ZNF175: variants seen among roughly 807,000 people sequenced by gnomAD.
ZNF175 encodes the protein zinc finger protein OTK18.
Under a neutral mutation model 14.0 loss-of-function variants are expected in ZNF175, and 8 were observed. The observed-to-expected ratio is 0.57, with a 90% confidence interval of 0.34 to 1.03. The LOEUF (loss-of-function observed/expected upper bound fraction) is 1.03. Among genes scored for constraint, ZNF175 ranks in the 50% least tolerant of loss-of-function variants. The pLI is 0.03. For synonymous variants in ZNF175, 255 were observed against 296.8 expected (o/e 0.86, Z 1.45); for missense variants, 764 against 849.5 (o/e 0.90, Z 1.25).
Position 51,587,751 on chromosome 19 carries a change from C to T in ZNF175, c.1420C>T (p.Pro474Ser). 6.2e-7 allele frequency: 1 copy of T among 1,614,164 alleles called. No individual in the cohort carries two copies. The change falls in exon 5 of 5, where the codon CCT (proline) becomes TCT (serine). Residue 474 changes from proline to serine, a missense_variant. By Grantham distance (74) the Pro-to-Ser change is moderately conservative. Transcript: ENST00000262259. ...TCAAAGAAGCCACACAGGAGAAAAA[C>T]CTTATCAGTGCCACAACTGTGGGAA... ...VHQRSHTGEKPYQCHNCGKSF... is the reference protein window; with the variant it reads ...VHQRSHTGEKSYQCHNCGKSF...
At position 51,589,794 on chromosome 19, in the gene ZNF175, G is replaced by A. The variant is rs61422446; in HGVS notation, c.*1327G>A. 6.8e-3 allele frequency: 3,849 copies of A among 562,276 alleles called. 164 individuals are homozygous for A. The East Asian group carries it at 0.088, about 13-fold the overall frequency. The allele number at this position is 562,276 out of a possible 1,614,324, so 34.8% of individuals were successfully genotyped here. A position where few individuals can be genotyped will look rare whatever the true frequency, so the allele number is the denominator to read the frequency against. ...ACTGGCAGAATTGAGTAGTTTTGGC[G>A]GAGATCAAATAGCCCCCAAGCTGGA... On this transcript the variant is annotated 3_prime_UTR_variant, in exon 5 of 5. Transcript: ENST00000262259.
At chr19:51,578,244 C>CA (rs1981875164) in intron 2 of ZNF175, among the ~76,000 whole-genome samples, 1 of 150,960 alleles carries the variant, frequency 6.6e-6, no homozygotes, top group African/African-American at 2.4e-5. Flanking sequence ...TAAAAAAATA[C>CA]AAAAAATTAG....
rs1443590887 is a variant in ZNF175, at chr19:51,576,005, A to G, written c.72+2604A>G. On this transcript the variant is annotated intron_variant, in intron 2 of 4. Transcript: ENST00000262259. ...ATAACTTACGGTTTTTCCCTGGAGC[A>G]CACAATTTTATGGATTATTTACTTG... Among the ~76,000 whole-genome samples, 5 of 152,296 alleles carry G rather than the reference A, an allele frequency of 3.3e-5. No individual in the cohort carries two copies. The East Asian group carries it at 9.6e-4, about 29-fold the overall frequency.
Position 51,589,856 on chromosome 19 carries a change from A to G in ZNF175, c.*1389A>G. 1 of 513,754 alleles carries G rather than the reference A, an allele frequency of 1.9e-6. No homozygotes were observed. The highest frequency in any genetic ancestry group is 3.4e-6 in the Non-Finnish European group (1 of 290,460). The allele number at this position is 513,754 out of a possible 1,614,324, so 31.8% of individuals were successfully genotyped here. ...TCTACTCTCTGGCTCTTTACAGAAA[A>G]TGTTTGCCAGCACATGATACACACA... On this transcript the variant is annotated 3_prime_UTR_variant, in exon 5 of 5. Coordinates refer to ENST00000262259, the MANE Select transcript of ZNF175 (RefSeq NM_007147.4).
intron 2 of ZNF175, among the ~76,000 whole-genome samples, chr19:51,576,147 T>G (rs867737061): frequency 0.01 from 1,252 of 122,964 alleles, 8 homozygotes; most frequent in African/African-American, 0.035. Context: ...ACAGTTTTTT[T>G]TTTTGTTTTT....
intron 2 of ZNF175, among the ~76,000 whole-genome samples, chr19:51,579,063 G>C (rs1314356737): frequency 6.6e-6 from 1 of 152,176 alleles, no homozygotes; most frequent in Non-Finnish European, 1.5e-5. Flanking sequence ...GACCAGCCTG[G>C]CCAACATAAT....
chr19:51,582,444 C>T (rs1982039650), intron 4 of ZNF175, among the ~76,000 whole-genome samples: 1 of 151,746 alleles, frequency 6.6e-6, no homozygotes. Context: ...ACTACAGGCA[C>T]CCGCCACCAC....
chr19:51,591,857 C>T lies in ZNF175; in HGVS notation c.*3390C>T, dbSNP rs530982201. 3 of 151,674 alleles carry T rather than the reference C, an allele frequency of 2.0e-5. No individual in the cohort carries two copies. The highest frequency in any genetic ancestry group is 4.4e-5 in the Non-Finnish European group (3 of 67,872). 9.4% of individuals were successfully genotyped at this position (151,674 alleles called of 1,614,324 possible). A position where few individuals can be genotyped will look rare whatever the true frequency, so the allele number is the denominator to read the frequency against. ...GATCTCAGCTCACTGCAAGCTCCGC[C>T]TCCCGGGTTCACGCCATTCTCCTGC... On this transcript the variant is annotated 3_prime_UTR_variant, in exon 5 of 5. Coordinates refer to ENST00000262259, the MANE Select transcript of ZNF175 (RefSeq NM_007147.4).
At position 51,588,480 on chromosome 19, in the gene ZNF175, T is replaced by C; in HGVS notation, c.*13T>C. The C allele has an allele frequency of 6.6e-7, 1 of 1,519,964 alleles. No homozygotes were observed. The highest frequency in any genetic ancestry group is 1.4e-5 in the African/African-American group (1 of 71,920). The allele number at this position is 1,519,964 out of a possible 1,614,324, so 94.2% of individuals were successfully genotyped here. ...TACCAAGCAATGAATTCCTAGTGCA[T>C]CAGCATATTCATAAATGAAATATAC... On this transcript the variant is annotated 3_prime_UTR_variant, in exon 5 of 5. Transcript: ENST00000262259.
intron 2 of ZNF175, among the ~76,000 whole-genome samples, chr19:51,578,186 C>T (rs999886372): frequency 6.6e-6 from 1 of 151,514 alleles, no homozygotes; most frequent in Non-Finnish European, 1.5e-5. Flanking sequence ...ATCACGAGGT[C>T]AGGAGTTTGA....
intron 3 of ZNF175, 111 bp downstream of exon 3, chr19:51,581,628 T>C: frequency 6.5e-7 from 1 of 1,530,440 alleles, no homozygotes; most frequent in African/African-American, 1.4e-5. Flanking sequence ...CTTTTATCGG[T>C]TTGTCCTGGA....
rs769028247 is a variant in ZNF175 at position 51,581,879 on chromosome 19, C to G, written c.292C>G (p.Gln98Glu). The G allele has an allele frequency of 1.2e-6, 2 of 1,613,286 alleles. No individual in the cohort carries two copies. The highest frequency in any genetic ancestry group is 1.7e-6 in the Non-Finnish European group (2 of 1,179,498). Residue 98 changes from glutamine (Q) to glutamate (E), a missense_variant, in exon 4 of 5, where the codon CAA becomes GAA. Physicochemically the swap from Gln to Glu is conservative, Grantham distance 29. Coordinates refer to ENST00000262259, the MANE Select transcript of ZNF175 (RefSeq NM_007147.4). ...GGCTGAAGTCTCACATCAGAGGTGT[C>G]AAGGTGAGTAAGTTGTACCCGGGCA... Reference protein sequence around the residue: ...EEAEVSHQRCQEREFGLEIPQ... With the variant: ...EEAEVSHQRCEEREFGLEIPQ...
At position 51,588,013 on chromosome 19, in the gene ZNF175, GCA is replaced by G. The variant is rs1339211456; in HGVS notation, c.1683_1684del (p.Cys561TrpfsTer2). 4.3e-6 allele frequency: 7 copies of G among 1,614,230 alleles called. No homozygotes were observed. The South Asian group carries it at 5.5e-5, about 13-fold the overall frequency. On this transcript the variant is annotated frameshift_variant, in exon 5 of 5. Coordinates refer to ENST00000262259, the MANE Select transcript of ZNF175 (RefSeq NM_007147.4). LOFTEE classifies it low-confidence loss of function (END_TRUNC). ...CACACCGGAGAGAAGCCTTACAAAT[GCA>G]GTGAATGTGGGAAAGCCTTCACTTC...
Position 51,573,338 on chromosome 19 carries a change from T to C in ZNF175, c.9T>C (p.Ala3=). ...AGAAGCCCAGAGTGGAGATGCCTGC[T>C]GATGTGAATTTATCCCAGAAGCCTC... The part of the protein sequence containing the change: MP[A]DVNLSQKPQV... The change falls in exon 2 of 5, where the codon GCT becomes GCC. Residue 3 remains alanine, a synonymous_variant. Coordinates refer to ENST00000262259, the MANE Select transcript of ZNF175 (RefSeq NM_007147.4). 6.2e-7 allele frequency: 1 copy of C among 1,613,056 alleles called. No homozygotes were observed. Among genetic ancestry groups the C allele is most frequent in the Non-Finnish European group, 8.5e-7 (1 of 1,179,634 alleles).
chr19:51,572,214 G>T (rs935580608), intron 1 of ZNF175, among the ~76,000 whole-genome samples: 1 of 152,210 alleles, frequency 6.6e-6, no homozygotes, highest in African/African-American at 2.4e-5. Context: ...GGGCAGTAAA[G>T]ATTTCAGAAG....
At position 51,587,462 on chromosome 19, in the gene ZNF175, T is replaced by C; in HGVS notation, c.1131T>C (p.Ser377=). 1 of 1,614,212 alleles carries C rather than the reference T, an allele frequency of 6.2e-7. No individual in the cohort carries two copies. The highest frequency in any genetic ancestry group is 1.3e-5 in the African/African-American group (1 of 75,060). The part of the protein sequence containing the change: ...DCGKAFFQML[S]LFRHQRTHSR... Reference sequence around the variant, plus strand: ...GAAAAGCCTTTTTCCAGATGTTATCTCTCTTCAGACATCAGAGAACTCACA... The same window carrying C: ...GAAAAGCCTTTTTCCAGATGTTATCCCTCTTCAGACATCAGAGAACTCACA... Residue 377 remains serine (S), a synonymous_variant, in exon 5 of 5, where the codon TCT becomes TCC. Transcript: ENST00000262259.
At chr19:51,576,559 A>T (rs1048922984) in intron 2 of ZNF175, among the ~76,000 whole-genome samples, 6 of 152,316 alleles carry the variant, frequency 3.9e-5, no homozygotes, top group Non-Finnish European at 7.4e-5. Context: ...TCAAGTTTAC[A>T]TAGTCAGCAA....
chr19:51,586,721 A>G lies in ZNF175; in HGVS notation c.390A>G (p.Ser130=), dbSNP rs990051011. Residue 130 remains serine (S), a synonymous_variant, in exon 5 of 5, where the codon TCA becomes TCG. Transcript: ENST00000262259. ...DMVGEFTRDG[S]WCSILEELRL... ...TAGGTGAGTTCACAAGAGATGGTTC[A>G]TGGTGTTCCATTTTAGAAGAACTGA... 1.8e-5 allele frequency: 29 copies of G among 1,614,226 alleles called. No homozygotes were observed. The highest frequency in any genetic ancestry group is 1.6e-4 in the Middle Eastern group (1 of 6,062).
rs143118840 is a variant in ZNF175, at chr19:51,588,067, G to A, written c.1736G>A (p.Arg579Gln). The A allele has an allele frequency of 2.4e-4, 386 of 1,614,138 alleles. 2 individuals are homozygous for A. Among genetic ancestry groups the A allele is most frequent in the South Asian group, 1.3e-3 (117 of 91,078 alleles). The change falls in exon 5 of 5, where the codon CGA becomes CAA. Residue 579 changes from arginine to glutamine, a missense_variant. Transcript: ENST00000262259. ...AAGTCTCAATTCAAAGAGCATCAGC[G>A]AATTCACACGGGTGAGAAACCCTAT... The part of the protein sequence containing the change: ...TSKSQFKEHQ[R>Q]IHTGEKPYVC...
Sources: allele counts gnomAD v4.1 joint callset (sites outside exome capture counted in the v4.1 genomes callset), GRCh38; gene constraint gnomAD v4.1.1; transcripts MANE v1.5; gene names NCBI Gene and HGNC (gene_info 2026-07-23, HGNC 2026-07-21).